MEMO1: variants seen among roughly 807,000 people sequenced by gnomAD.
MEMO1 encodes mediator of cell motility 1.
A neutral mutation model predicts 45.2 loss-of-function variants in MEMO1; 6 were observed. The observed-to-expected ratio is 0.13, with a 90% CI of 0.07 to 0.26. The LOEUF (loss-of-function observed/expected upper bound fraction) is 0.26. Ranked by LOEUF, MEMO1 falls within the 10% of genes least tolerant of loss-of-function variation. MEMO1 has a pLI of 1.00. For synonymous variants in MEMO1, 78 were observed against 124.3 expected, an observed-to-expected ratio of 0.63 and a Z score of 2.48; for missense variants, 184 against 370.5, an observed-to-expected ratio of 0.50 and a Z score of 4.13.
At chr2:32,004,423 T>C (rs752943813) in intron 2 of MEMO1, among the ~76,000 whole-genome samples, 1 of 151,640 alleles carries the variant, frequency 6.6e-6, no homozygotes, top group Non-Finnish European at 1.5e-5. Flanking sequence ...CAAGAAAAAA[T>C]GCTCAACTTC....
intron 8 of MEMO1, among the ~76,000 whole-genome samples, chr2:31,874,834 AAAAT>A: frequency 6.6e-6 from 1 of 152,052 alleles, no homozygotes; most frequent in African/African-American, 2.4e-5. Context: ...AATCTCTTAG[AAAAT>A]AAATATGCAA....
intron 6 of MEMO1, among the ~76,000 whole-genome samples, chr2:31,911,511 T>C (rs1680563176): frequency 6.6e-6 from 1 of 152,216 alleles, no homozygotes; most frequent in Non-Finnish European, 1.5e-5. Context: ...TGAATCCTAA[T>C]TAAACTATAG....
At chr2:31,958,879 G>C (rs887817597) in intron 2 of MEMO1, among the ~76,000 whole-genome samples, 1 of 152,110 alleles carries the variant, frequency 6.6e-6, no homozygotes, top group Admixed American at 6.6e-5. Flanking sequence ...TAAAACTCCT[G>C]GGCTCAAGCA....
intron 2 of MEMO1, among the ~76,000 whole-genome samples, chr2:31,948,375 A>G (rs901164992): frequency 2.0e-5 from 3 of 152,216 alleles, no homozygotes; most frequent in African/African-American, 4.8e-5. Flanking sequence ...TATTAGCACA[A>G]TAAACTCAAT....
intron 2 of MEMO1, among the ~76,000 whole-genome samples, chr2:32,005,757 C>T (rs1325668243): frequency 6.6e-6 from 1 of 152,168 alleles, no homozygotes; most frequent in African/African-American, 2.4e-5. Flanking sequence ...CTACTATATG[C>T]CAAGCACTTT....
intron 6 of MEMO1, among the ~76,000 whole-genome samples, chr2:31,905,508 T>C (rs191077443): frequency 6.6e-6 from 1 of 152,310 alleles, no homozygotes; most frequent in Non-Finnish European, 1.5e-5. Flanking sequence ...TAGAGAGCCA[T>C]TCTAAACTCT....
At chr2:32,010,333 G>A in intron 1 of MEMO1, 69 bp from the exon 2 acceptor site, 2 of 768,752 alleles carry the variant, frequency 2.6e-6, no homozygotes, top group African/African-American at 1.8e-5. Flanking sequence ...GAGGGGACGA[G>A]ACACCGCGGG....
chr2:31,919,923 TACATGC>T (rs1016283183), intron 5 of MEMO1, among the ~76,000 whole-genome samples: 1 of 147,946 alleles, frequency 6.8e-6, no homozygotes, highest in African/African-American at 2.5e-5. Flanking sequence ...TGCATATGTA[TACATGC>T]ACATGCACAC....
At chr2:31,899,611 G>GACAT (rs1410075081) in intron 6 of MEMO1, among the ~76,000 whole-genome samples, 3 of 152,182 alleles carry the variant, frequency 2.0e-5, no homozygotes, top group Non-Finnish European at 4.4e-5. Context: ...TACCATTCAG[G>GACAT]ACATATGCAT....
At chr2:31,917,850 G>A in intron 6 of MEMO1, 76 bp downstream of exon 6, 1 of 920,764 alleles carries the variant, frequency 1.1e-6, no homozygotes, top group Non-Finnish European at 1.6e-6. Context: ...ATAATTACTA[G>A]GATTTACTAG....
chr2:31,907,626 C>G (rs1034135712), intron 6 of MEMO1, among the ~76,000 whole-genome samples: 1 of 152,074 alleles, frequency 6.6e-6, no homozygotes, highest in Non-Finnish European at 1.5e-5. Flanking sequence ...GAAACCCCCT[C>G]TACAAAAAAT....
intron 2 of MEMO1, among the ~76,000 whole-genome samples, chr2:31,985,163 G>A (rs948541504): frequency 6.6e-6 from 1 of 152,102 alleles, no homozygotes; most frequent in Admixed American, 6.6e-5. Context: ...TTACAACACA[G>A]TAAAACATGG....
intron 6 of MEMO1, among the ~76,000 whole-genome samples, chr2:31,912,891 T>G (rs1415852919): frequency 6.6e-6 from 1 of 152,198 alleles, no homozygotes; most frequent in African/African-American, 2.4e-5. Flanking sequence ...GTCAGTAGAG[T>G]TAACTGAGCA....
chr2:31,871,238 G>A (rs566635665), intron 8 of MEMO1, among the ~76,000 whole-genome samples: 8 of 152,248 alleles, frequency 5.3e-5, no homozygotes, highest in Admixed American at 4.6e-4. Flanking sequence ...AATGCAAATG[G>A]TGGTTTAACT....
At position 31,925,475 on chromosome 2, in the gene MEMO1, C is replaced by CAAAAAAAA. The variant is rs70964741; in HGVS notation, c.213-4573_213-4566dup. Among the ~76,000 whole-genome samples the CAAAAAAAA allele has an allele frequency of 4.7e-3, 372 of 79,154 alleles. 43 individuals carry two copies. Among genetic ancestry groups the CAAAAAAAA allele is most frequent in the African/African-American group, 0.011 (159 of 14,278 alleles). 51.9% of individuals were successfully genotyped at this position (79,154 alleles called of 152,430 possible). ...TGGGGGACAGAGCAAGACTCCGTCT[C>CAAAAAAAA]AAAAAAAAAAAAAAAAAAAAAAAAT... On this transcript the variant is annotated intron_variant, in intron 4 of 9. Coordinates refer to ENST00000404530, the MANE Select transcript of MEMO1 (RefSeq NM_001301833.4).
At chr2:31,951,238 C>T (rs1017757474) in intron 2 of MEMO1, among the ~76,000 whole-genome samples, 1 of 152,150 alleles carries the variant, frequency 6.6e-6, no homozygotes, top group African/African-American at 2.4e-5. Flanking sequence ...TATGAACAGG[C>T]AGTGACAACT....
At chr2:31,901,056 T>A (rs958574504) in intron 6 of MEMO1, among the ~76,000 whole-genome samples, 3 of 152,104 alleles carry the variant, frequency 2.0e-5, no homozygotes, top group Admixed American at 6.6e-5. Flanking sequence ...TATATTCATA[T>A]AATGGAATAA....
chr2:31,907,275 A>C (rs998845511), intron 6 of MEMO1, among the ~76,000 whole-genome samples: 1 of 152,152 alleles, frequency 6.6e-6, no homozygotes, highest in African/African-American at 2.4e-5. Flanking sequence ...GTACATTTTG[A>C]ATTATATTAT....
At chr2:31,959,370 A>T (rs1036351806) in intron 2 of MEMO1, among the ~76,000 whole-genome samples, 1 of 152,176 alleles carries the variant, frequency 6.6e-6, no homozygotes, top group Non-Finnish European at 1.5e-5. Context: ...AGTTGGGCCA[A>T]TAAGGAAGGG....
Sources: allele counts gnomAD v4.1 joint callset (sites outside exome capture counted in the v4.1 genomes callset), GRCh38; gene constraint gnomAD v4.1.1; transcripts MANE v1.5; gene names NCBI Gene and HGNC (gene_info 2026-07-23, HGNC 2026-07-21).